ATP2B1: variants seen among roughly 807,000 people sequenced by gnomAD.
ATP2B1 encodes ATPase plasma membrane Ca2+ transporting 1, also known as plasma membrane calcium-transporting ATPase 1.
Under a neutral mutation model 124.2 loss-of-function variants are expected in ATP2B1, and 14 were observed. The observed-to-expected ratio is 0.11, with a 90% CI of 0.07 to 0.18. The LOEUF is 0.18. ATP2B1 is among the 10% of genes least tolerant of loss of function. The pLI, the probability that ATP2B1 is intolerant of heterozygous loss-of-function variation, is 1.00. For missense variants in ATP2B1, 763 were observed against 1,466.1 expected (o/e 0.52, Z 7.83); for synonymous variants, 449 against 492.4 (o/e 0.91, Z 1.17).
At chr12:89,605,830 A>G (rs1290760077) in intron 15 of ATP2B1, among the ~76,000 whole-genome samples, 3 of 152,184 alleles carry the variant, frequency 2.0e-5, no homozygotes. Context: ...GTGCAGATTA[A>G]AGCATGTTGA....
chr12:89,628,857 C>T (rs975445053), intron 6 of ATP2B1, among the ~76,000 whole-genome samples: 3 of 152,116 alleles, frequency 2.0e-5, no homozygotes, highest in South Asian at 2.1e-4. Context: ...AGAGACCAGA[C>T]GGCCACAGTC....
At chr12:89,635,647 T>C (rs1022397906) in intron 3 of ATP2B1, among the ~76,000 whole-genome samples, 14 of 152,314 alleles carry the variant, frequency 9.2e-5, no homozygotes, top group Admixed American at 2.0e-4. Flanking sequence ...CAGCAGTGGC[T>C]AAGGCTTTCT....
At chr12:89,696,255 C>A (rs766060569) in intron 1 of ATP2B1, among the ~76,000 whole-genome samples, 4 of 152,152 alleles carry the variant, frequency 2.6e-5, no homozygotes, top group Non-Finnish European at 4.4e-5. Context: ...CAAAATCTGA[C>A]CAGCCTCAGA....
intron 1 of ATP2B1, among the ~76,000 whole-genome samples, chr12:89,684,310 T>C (rs923797188): frequency 6.6e-6 from 1 of 152,144 alleles, no homozygotes; most frequent in Non-Finnish European, 1.5e-5. Context: ...AAATGTAAAA[T>C]TGAAACAAAC....
intron 1 of ATP2B1, among the ~76,000 whole-genome samples, chr12:89,704,471 T>A (rs1213291695): frequency 6.6e-6 from 1 of 152,090 alleles, no homozygotes; most frequent in Non-Finnish European, 1.5e-5. Context: ...TTTCCATACA[T>A]AACTTTCATA....
intron 1 of ATP2B1, among the ~76,000 whole-genome samples, chr12:89,659,854 C>A (rs1458050800): frequency 6.9e-6 from 1 of 144,172 alleles, no homozygotes. Context: ...ACCCAGGAGG[C>A]AGAGCTTGCA....
chr12:89,598,769 G>A (rs1391893597), intron 20 of ATP2B1: 1 of 1,612,770 alleles, frequency 6.2e-7, no homozygotes, highest in Non-Finnish European at 8.5e-7. Flanking sequence ...GATTGTGACA[G>A]CTTGCTCAGC....
At chr12:89,623,681 G>C (rs981725396) in intron 9 of ATP2B1, among the ~76,000 whole-genome samples, 2 of 152,218 alleles carry the variant, frequency 1.3e-5, no homozygotes, top group African/African-American at 4.8e-5. Context: ...CAAAGGAGAA[G>C]GGAATTGAGC....
At chr12:89,614,553 C>G (rs1050827010) in intron 12 of ATP2B1, among the ~76,000 whole-genome samples, 2 of 152,178 alleles carry the variant, frequency 1.3e-5, no homozygotes, top group African/African-American at 4.8e-5. Flanking sequence ...GACTGGTTCT[C>G]TAACTTGTAC....
chr12:89,608,866 C>G (rs1357798830), intron 15 of ATP2B1, among the ~76,000 whole-genome samples: 1 of 152,112 alleles, frequency 6.6e-6, no homozygotes, highest in Non-Finnish European at 1.5e-5. Flanking sequence ...AGCTATGCTT[C>G]ACATGTCTTC....
intron 1 of ATP2B1, among the ~76,000 whole-genome samples, chr12:89,688,985 T>C (rs1201140051): frequency 2.0e-5 from 3 of 152,112 alleles, no homozygotes; most frequent in Non-Finnish European, 4.4e-5. Context: ...TTAGTTGTTA[T>C]TTAGATTCAT....
chr12:89,607,814 G>GCAA (rs1877215149), intron 15 of ATP2B1, among the ~76,000 whole-genome samples: 1 of 152,118 alleles, frequency 6.6e-6, no homozygotes, highest in Non-Finnish European at 1.5e-5. Context: ...CACTACAGAT[G>GCAA]CAACCATCCA....
chr12:89,668,847 C>G (rs937121763), intron 1 of ATP2B1, among the ~76,000 whole-genome samples: 2 of 152,140 alleles, frequency 1.3e-5, no homozygotes, highest in East Asian at 1.9e-4. Context: ...CCTTTTTTCT[C>G]TCTTTGGACA....
chr12:89,638,281 C>T (rs1055107750), intron 3 of ATP2B1, among the ~76,000 whole-genome samples: 12 of 152,112 alleles, frequency 7.9e-5, no homozygotes, highest in African/African-American at 2.7e-4. Flanking sequence ...AATCTAAATT[C>T]AGTCAATACT....
At chr12:89,621,843 C>T in intron 9 of ATP2B1, 52 bp from the exon 10 acceptor site, 2 of 1,403,654 alleles carry the variant, frequency 1.4e-6, no homozygotes. Context: ...AAACCAATCA[C>T]CTCATTACAT....
chr12:89,695,067 A>ACAAAAAG (rs1890984315), intron 1 of ATP2B1, among the ~76,000 whole-genome samples: 1 of 146,080 alleles, frequency 6.8e-6, no homozygotes, highest in East Asian at 2.0e-4. Flanking sequence ...TCAAAAAAAA[A>ACAAAAAG]AAAAGAAAAG....
At chr12:89,685,858 G>C (rs1052219651) in intron 1 of ATP2B1, among the ~76,000 whole-genome samples, 1 of 152,008 alleles carries the variant, frequency 6.6e-6, no homozygotes, top group Non-Finnish European at 1.5e-5. Flanking sequence ...TCCTTAAGAA[G>C]AGATACCAGC....
At chr12:89,621,492 A>C (rs999519684) in intron 10 of ATP2B1, 57 bp downstream of exon 10, 1 of 1,339,302 alleles carries the variant, frequency 7.5e-7, no homozygotes, top group Non-Finnish European at 1.0e-6. Flanking sequence ...ACTTACATAT[A>C]GTCTGATCAT....
chr12:89,596,693 A>C (rs1434271600), intron 20 of ATP2B1, among the ~76,000 whole-genome samples: 1 of 152,136 alleles, frequency 6.6e-6, no homozygotes, highest in Non-Finnish European at 1.5e-5. Flanking sequence ...AATCCAGGTG[A>C]AAGATTTTCA....
Sources: allele counts gnomAD v4.1 joint callset (sites outside exome capture counted in the v4.1 genomes callset), GRCh38; gene constraint gnomAD v4.1.1; transcripts MANE v1.5; gene names NCBI Gene and HGNC (gene_info 2026-07-23, HGNC 2026-07-21).